Variants in PPP1R12A observed in about 807,000 individuals in gnomAD.
PPP1R12A encodes the protein myosin binding subunit.
Under a neutral mutation model 139.6 loss-of-function variants are expected in PPP1R12A, and 19 were observed. The observed-to-expected ratio is 0.14, with a 90% confidence interval of 0.09 to 0.20. PPP1R12A has a LOEUF of 0.20. Among genes scored for constraint, PPP1R12A ranks in the 10% least tolerant of loss-of-function variants. The probability of loss-of-function intolerance (pLI) is 1.00; values close to 1 mark genes in which losing one functional copy is unlikely to be tolerated. For missense variants in PPP1R12A, 925 were observed against 1,211.5 expected (o/e 0.76, Z 3.51); for synonymous variants, 427 against 420.6 (o/e 1.02, Z -0.19).
At chr12:79,816,948 G>A (rs1875470260) in intron 9 of PPP1R12A, among the ~76,000 whole-genome samples, 1 of 151,964 alleles carries the variant, frequency 6.6e-6, no homozygotes, top group Non-Finnish European at 1.5e-5. Flanking sequence ...TTAGATTTTA[G>A]TTCTCTCATT....
intron 5 of PPP1R12A, chr12:79,825,258 A>C (rs375216336): frequency 2.2e-4 from 33 of 152,260 alleles, no homozygotes; most frequent in African/African-American, 7.7e-4. Context: ...TATTCATTTA[A>C]ATCTTTATAA....
At chr12:79,922,764 G>T (rs944750629) in intron 1 of PPP1R12A, among the ~76,000 whole-genome samples, 2 of 152,082 alleles carry the variant, frequency 1.3e-5, no homozygotes, top group African/African-American at 4.8e-5. Context: ...ATATGAGTCG[G>T]TAAGTGCAGC....
intron 1 of PPP1R12A, among the ~76,000 whole-genome samples, chr12:79,906,807 C>T (rs1024447253): frequency 1.3e-5 from 2 of 152,048 alleles, no homozygotes; most frequent in African/African-American, 4.8e-5. Flanking sequence ...CCACGCCCAG[C>T]TAACTTTTTT....
intron 24 of PPP1R12A, among the ~76,000 whole-genome samples, chr12:79,778,113 T>C (rs1428788941): frequency 6.6e-6 from 1 of 152,156 alleles, no homozygotes; most frequent in African/African-American, 2.4e-5. Flanking sequence ...CTCTGCCTGT[T>C]CACTCCCCTA....
At chr12:79,906,818 G>T (rs1278477933) in intron 1 of PPP1R12A, among the ~76,000 whole-genome samples, 2 of 151,954 alleles carry the variant, frequency 1.3e-5, no homozygotes, top group African/African-American at 4.8e-5. Flanking sequence ...TAACTTTTTT[G>T]TATTTTTAGT....
chr12:79,871,696 G>GT (rs1306540619), intron 2 of PPP1R12A, among the ~76,000 whole-genome samples: 69 of 151,578 alleles, frequency 4.6e-4, no homozygotes, highest in South Asian at 1.0e-3. Context: ...AATTATCTGG[G>GT]TTTTTTTTTC....
Position 79,814,178 on chromosome 12 carries a change from TAAG to T in PPP1R12A, c.1239+3213_1239+3215del, listed in dbSNP as rs200381540. On this transcript the variant is annotated intron_variant, in intron 9 of 24. Transcript: ENST00000450142. ...GGTTTTAAAAGTCATACAGTATTGA[TAAG>T]AAGACTCCCTCTTCGGCTGGGCATG... Among the ~76,000 whole-genome samples, 174 of 152,204 alleles carry T rather than the reference TAAG, an allele frequency of 1.1e-3. 2 individuals are homozygous for T. In the East Asian group the frequency reaches 0.02, roughly 17 times the overall value.
At chr12:79,820,684 A>T in intron 8 of PPP1R12A, 90 bp downstream of exon 8, 1 of 1,367,994 alleles carries the variant, frequency 7.3e-7, no homozygotes, top group Non-Finnish European at 1.0e-6. Context: ...GTAGCAAATC[A>T]GTCTGAAAAA....
intron 6 of PPP1R12A, among the ~76,000 whole-genome samples, chr12:79,821,894 T>C (rs1375667331): frequency 6.6e-6 from 1 of 152,140 alleles, no homozygotes; most frequent in East Asian, 1.9e-4. Context: ...TGAGGACATA[T>C]ATGAGTATTC....
intron 1 of PPP1R12A, among the ~76,000 whole-genome samples, chr12:79,889,175 T>C (rs776782084): frequency 6.6e-6 from 1 of 152,250 alleles, no homozygotes; most frequent in Non-Finnish European, 1.5e-5. Flanking sequence ...TTTGTGTGTG[T>C]GTATTTGTTC....
intron 19 of PPP1R12A, among the ~76,000 whole-genome samples, chr12:79,791,868 C>A (rs1419358115): frequency 6.6e-6 from 1 of 152,068 alleles, no homozygotes; most frequent in East Asian, 1.9e-4. Flanking sequence ...TTCTATGATA[C>A]CCAAATAAAA....
intron 3 of PPP1R12A, among the ~76,000 whole-genome samples, chr12:79,838,369 T>C (rs902082167): frequency 6.6e-5 from 10 of 152,134 alleles, no homozygotes; most frequent in Admixed American, 5.2e-4. Flanking sequence ...AGCCTGATAA[T>C]GTGAAAGAAA....
chr12:79,901,743 C>G (rs958829987), intron 1 of PPP1R12A, among the ~76,000 whole-genome samples: 7 of 152,196 alleles, frequency 4.6e-5, no homozygotes, highest in South Asian at 4.2e-4. Flanking sequence ...TAGGATAATG[C>G]TTGGGTTCAC....
At chr12:79,823,074 T>G (rs960807327) in intron 5 of PPP1R12A, among the ~76,000 whole-genome samples, 1 of 152,164 alleles carries the variant, frequency 6.6e-6, no homozygotes, top group Non-Finnish European at 1.5e-5. Flanking sequence ...ATTTTTAAAA[T>G]TAGTCCACAT....
At chr12:79,917,215 A>G (rs1488638705) in intron 1 of PPP1R12A, among the ~76,000 whole-genome samples, 3 of 152,164 alleles carry the variant, frequency 2.0e-5, no homozygotes, top group African/African-American at 7.2e-5. Flanking sequence ...GGCCGGGCAC[A>G]GTGGCTCATG....
At chr12:79,915,704 C>T (rs1271336046) in intron 1 of PPP1R12A, among the ~76,000 whole-genome samples, 1 of 152,086 alleles carries the variant, frequency 6.6e-6, no homozygotes, top group African/African-American at 2.4e-5. Context: ...TCTCTCTCAG[C>T]TCCTACAACT....
intron 8 of PPP1R12A, among the ~76,000 whole-genome samples, chr12:79,820,049 CAAT>C (rs999472798): frequency 5.9e-5 from 7 of 118,102 alleles, no homozygotes; most frequent in African/African-American, 1.6e-4. Flanking sequence ...AAACACAAAA[CAAT>C]ATTATAATTG....
In PPP1R12A at chr12:79,802,777, G is replaced by GA. The variant is rs111339003; in HGVS notation, c.2000+2814dup. On this transcript the variant is annotated intron_variant, in intron 14 of 24. Transcript: ENST00000450142. The stretch of plus-strand genomic sequence containing the variant: ...CCTGGGTGACAGAGATCCTGTCTTG[G>GA]AAAAAAAAAGTTCATAGCAAGACAG... Among the ~76,000 whole-genome samples, 1,484 of 151,224 alleles carry GA rather than the reference G, an allele frequency of 9.8e-3. 29 individuals are homozygous for GA. Among genetic ancestry groups the GA allele is most frequent in the African/African-American group, 0.035 (1,424 of 41,204 alleles).
rs898090404 is a variant in PPP1R12A at position 79,874,454 on chromosome 12, A to C, written c.238-1516T>G. Among the ~76,000 whole-genome samples, 8 of 152,314 alleles carry C rather than the reference A, an allele frequency of 5.3e-5. No individual in the cohort carries two copies. In the South Asian group the frequency reaches 1.7e-3, roughly 32 times the overall value. On this transcript the variant is annotated intron_variant, in intron 1 of 24. Coordinates refer to ENST00000450142, the MANE Select transcript of PPP1R12A (RefSeq NM_002480.3). The stretch of plus-strand genomic sequence containing the variant: ...AAACTCTAAGACTGTAAATATTAAT[A>C]CATACAACCAAGAAAAAATGAATTA...
Sources: gnomAD v4.1 joint callset for allele counts (sites outside exome capture counted in the v4.1 genomes callset) on GRCh38, gnomAD v4.1.1 for gene constraint, MANE v1.5 for transcripts, NCBI Gene and HGNC (gene_info 2026-07-23, HGNC 2026-07-21) for gene names.